RB1: variants seen among roughly 807,000 people sequenced by gnomAD.
The protein encoded by RB1 is retinoblastoma-associated protein.
RB1 carries 18 observed loss-of-function variants against 135.4 expected under a neutral mutation model. The observed-to-expected ratio is 0.13, with a 90% CI of 0.09 to 0.20. The LOEUF (loss-of-function observed/expected upper bound fraction) is 0.20, where lower values mean the gene tolerates loss of function less well. Among genes scored for constraint, RB1 ranks in the 10% least tolerant of loss-of-function variants. RB1 has a pLI of 1.00. For missense variants in RB1, 868 were observed against 1,110.0 expected (o/e 0.78, Z 3.10); for synonymous variants, 365 against 373.2 (o/e 0.98, Z 0.25).
chr13:48,309,479 G>T (rs1413646939), intron 2 of RB1, among the ~76,000 whole-genome samples: 1 of 152,174 alleles, frequency 6.6e-6, no homozygotes, highest in African/African-American at 2.4e-5. Flanking sequence ...GAATACTGAA[G>T]TATCTTGAAT....
At chr13:48,460,818 A>C (rs1593536303) in intron 20 of RB1, among the ~76,000 whole-genome samples, 1 of 152,244 alleles carries the variant, frequency 6.6e-6, no homozygotes, top group East Asian at 1.9e-4. Context: ...AAAATTAGCC[A>C]GGTGTGGTGA....
At chr13:48,345,890 G>C (rs1593436171) in intron 4 of RB1, among the ~76,000 whole-genome samples, 4 of 152,130 alleles carry the variant, frequency 2.6e-5, no homozygotes. Context: ...CTATTCTGGA[G>C]AGAATGAGGA....
At chr13:48,420,950 G>T (rs1028573641) in intron 17 of RB1, among the ~76,000 whole-genome samples, 3 of 152,130 alleles carry the variant, frequency 2.0e-5, no homozygotes, top group African/African-American at 7.2e-5. Flanking sequence ...TGTGAAAATG[G>T]CCATACCACT....
chr13:48,402,249 C>T (rs181260461), intron 17 of RB1, among the ~76,000 whole-genome samples: 2 of 152,086 alleles, frequency 1.3e-5, no homozygotes, highest in Admixed American at 1.3e-4. Flanking sequence ...AGATTGGCAT[C>T]TGATTTAGTT....
chr13:48,337,695 G>A (rs1365164791), intron 2 of RB1, among the ~76,000 whole-genome samples: 1 of 152,136 alleles, frequency 6.6e-6, no homozygotes, highest in Non-Finnish European at 1.5e-5. Context: ...GGTTAATATT[G>A]TTATGTGTGA....
At chr13:48,374,929 T>C (rs1952804709) in intron 12 of RB1, among the ~76,000 whole-genome samples, 1 of 152,168 alleles carries the variant, frequency 6.6e-6, no homozygotes, top group African/African-American at 2.4e-5. Flanking sequence ...GAGTACCTGA[T>C]ATTTAGCTCC....
intron 11 of RB1, among the ~76,000 whole-genome samples, chr13:48,369,848 C>A (rs1293952260): frequency 6.6e-6 from 1 of 152,088 alleles, no homozygotes; most frequent in Non-Finnish European, 1.5e-5. Context: ...TAGCATGTAT[C>A]CCAATTTATA....
rs1952051704 is a variant in RB1, at chr13:48,303,931, C to G, written c.19C>G (p.Arg7Gly). 6.6e-7 allele frequency: 1 copy of G among 1,511,456 alleles called. No individual in the cohort carries two copies. 93.6% of individuals were successfully genotyped at this position (1,511,456 alleles called of 1,614,324 possible). A position where few individuals can be genotyped will look rare whatever the true frequency, so the allele number is the denominator to read the frequency against. The change falls in exon 1 of 27, where the codon CGA (arginine) becomes GGA (glycine). Residue 7 changes from arginine to glycine, a missense_variant. This residue lies in a region of RB1 where 641 missense variants were observed against 791.3 expected (regional missense o/e 0.81). Coordinates refer to ENST00000267163, the MANE Select transcript of RB1 (RefSeq NM_000321.3). ...AGGCGTCATGCCGCCCAAAACCCCC[C>G]GAAAAACGGCCGCCACCGCCGCCGC... The part of the protein sequence containing the change: MPPKTP[R>G]KTAATAAAAA...
intron 17 of RB1, among the ~76,000 whole-genome samples, chr13:48,396,807 A>G (rs927802906): frequency 1.3e-5 from 2 of 152,226 alleles, no homozygotes; most frequent in Admixed American, 1.3e-4. Context: ...ACAGGAAAAC[A>G]AACAACCCTA....
At chr13:48,391,147 A>C (rs530356525) in intron 17 of RB1, among the ~76,000 whole-genome samples, 41 of 152,256 alleles carry the variant, frequency 2.7e-4, no homozygotes, top group Non-Finnish European at 4.3e-4. Flanking sequence ...TTTGATTTAT[A>C]ATATGAATCT....
rs1458342992 is a variant in RB1 at position 48,459,949 on chromosome 13, CTTTTT to C, written c.2106+117_2106+121del. ...TCTTTCTTTCTTTCTTTCTTTCTTT[CTTTTT>C]CTTTCTTTCTTTCTCTCTTTCTTTC... On this transcript the variant is annotated intron_variant, in intron 20 of 26. Coordinates refer to ENST00000267163, the MANE Select transcript of RB1 (RefSeq NM_000321.3). The C allele has an allele frequency of 1.4e-4, 63 of 453,038 alleles. No homozygotes were observed. The East Asian group carries it at 1.5e-3, about 11-fold the overall frequency. The allele number at this position is 453,038 out of a possible 1,614,324, so 28.1% of individuals were successfully genotyped here. A position where few individuals can be genotyped will look rare whatever the true frequency, so the allele number is the denominator to read the frequency against.
chr13:48,390,970 A>T (rs1330513873), intron 17 of RB1, among the ~76,000 whole-genome samples: 1 of 152,098 alleles, frequency 6.6e-6, no homozygotes, highest in Non-Finnish European at 1.5e-5. Context: ...GTGACTATTG[A>T]TATGGTTGGG....
chr13:48,317,613 A>C, intron 2 of RB1: 2 of 477,020 alleles, frequency 4.2e-6, no homozygotes, highest in South Asian at 4.6e-5. Flanking sequence ...GGTCTTTCTG[A>C]ATGTAAACAT....
chr13:48,318,549 A>T (rs893453573), intron 2 of RB1: 1 of 750,738 alleles, frequency 1.3e-6, no homozygotes, highest in Non-Finnish European at 2.2e-6. Flanking sequence ...CCCTCCCGGG[A>T]CCTCGCTGGC....
intron 17 of RB1, among the ~76,000 whole-genome samples, chr13:48,424,666 T>C (rs1949054277): frequency 6.6e-6 from 1 of 152,220 alleles, no homozygotes; most frequent in Non-Finnish European, 1.5e-5. Context: ...TCACGTCTTT[T>C]CTATGGAGTC....
At chr13:48,320,318 T>C in intron 2 of RB1, 1 of 1,237,988 alleles carries the variant, frequency 8.1e-7, no homozygotes, top group Non-Finnish European at 1.2e-6. Context: ...CGCTGCAGCG[T>C]GCTGATGAGC....
chr13:48,369,007 A>C (rs1263890732), intron 11 of RB1, among the ~76,000 whole-genome samples: 3 of 144,656 alleles, frequency 2.1e-5, no homozygotes, highest in African/African-American at 8.4e-5. Flanking sequence ...ACTCCGTCTC[A>C]AAAAAAAAAT....
At chr13:48,460,256 C>T (rs146290063) in intron 20 of RB1, among the ~76,000 whole-genome samples, 1,557 of 152,048 alleles carry the variant, frequency 0.01, 24 homozygotes, top group African/African-American at 0.035. Flanking sequence ...AGGCATGAGC[C>T]ACCGCACCCA....
At chr13:48,351,395 G>A (rs1952546090) in intron 6 of RB1, among the ~76,000 whole-genome samples, 1 of 152,012 alleles carries the variant, frequency 6.6e-6, no homozygotes, top group South Asian at 2.1e-4. Flanking sequence ...TTTGAAAAGT[G>A]TCTGTTCATG....
Sources: gnomAD v4.1 joint callset for allele counts (sites outside exome capture counted in the v4.1 genomes callset) on GRCh38, gnomAD v4.1.1 for gene constraint, gnomAD v4.1.1 regional missense constraint, MANE v1.5 for transcripts, NCBI Gene and HGNC (gene_info 2026-07-23, HGNC 2026-07-21) for gene names.